Variants in ZNF138 observed in about 807,000 individuals in gnomAD.
ZNF138 encodes the protein zinc finger protein 138, also known as zinc finger protein 138 (clone pHZ-32).
In ZNF138, 33 loss-of-function variants were observed where a neutral mutation model predicts 33.0. The observed-to-expected ratio is 1.00, with a 90% CI of 0.76 to 1.34. ZNF138 has a LOEUF of 1.34. Ranked by LOEUF, ZNF138 falls within the 40% of genes most tolerant of loss-of-function variation. ZNF138 has a pLI of 0.00. For missense variants in ZNF138, 360 were observed against 370.8 expected, an observed-to-expected ratio of 0.97 and a Z score of 0.24; for synonymous variants, 139 against 120.4, an observed-to-expected ratio of 1.15 and a Z score of -1.01.
chr7:64,817,618 C>G (rs1421677170), intron 3 of ZNF138, among the ~76,000 whole-genome samples: 3 of 152,160 alleles, frequency 2.0e-5, no homozygotes, highest in Admixed American at 1.3e-4. Context: ...GCTGTCATTA[C>G]AGGTGTGAGC....
chr7:64,819,556 A>G (rs13228381), intron 3 of ZNF138, among the ~76,000 whole-genome samples: 1 of 151,772 alleles, frequency 6.6e-6, no homozygotes, highest in African/African-American at 2.4e-5. Flanking sequence ...TTTAGGAGAG[A>G]TGGGGTTTCA....
At chr7:64,852,599 AG>A in the ZNF138 span, 1 of 1,528,996 alleles carries the variant, frequency 6.5e-7, no homozygotes, top group Non-Finnish European at 9.1e-7. Flanking sequence ...TAAACAGATC[AG>A]AAGCCCGCCT....
At chr7:64,847,510 T>C in the ZNF138 span, among the ~76,000 whole-genome samples, 1 of 151,946 alleles carries the variant, frequency 6.6e-6, no homozygotes, top group Admixed American at 6.6e-5. Context: ...CTAGCAGTAA[T>C]TGTTTTATAA....
At chr7:64,815,802 A>G (rs1204856720) in intron 3 of ZNF138, 149 bp downstream of exon 3, 3 of 661,776 alleles carry the variant, frequency 4.5e-6, no homozygotes, top group Non-Finnish European at 7.5e-6. Flanking sequence ...TACATAAGAC[A>G]TCTTCTGTCT....
the ZNF138 span, among the ~76,000 whole-genome samples, chr7:64,847,839 G>A: frequency 6.6e-6 from 1 of 152,098 alleles, no homozygotes; most frequent in Non-Finnish European, 1.5e-5. Context: ...GAGCATTCAG[G>A]CCATTTACTT....
chr7:64,854,546 A>G, the ZNF138 span, among the ~76,000 whole-genome samples: 1 of 152,226 alleles, frequency 6.6e-6, no homozygotes, highest in Non-Finnish European at 1.5e-5. Flanking sequence ...TAGTCATAAT[A>G]TAAATATTGC....
intron 1 of ZNF138, among the ~76,000 whole-genome samples, chr7:64,810,563 T>TTGGTTTTATAACATA (rs1554365391): frequency 3.8e-5 from 3 of 79,364 alleles, no homozygotes; most frequent in African/African-American, 9.5e-5. Flanking sequence ...TTTGTTTAAA[T>TTGGTTTTATAACATA]TGCTTATTAG....
chr7:64,811,493 C>A (rs1788176638), intron 1 of ZNF138, among the ~76,000 whole-genome samples: 1 of 152,002 alleles, frequency 6.6e-6, no homozygotes, highest in African/African-American at 2.4e-5. Flanking sequence ...TTACAGGCAC[C>A]CGCCACCATG....
At chr7:64,836,133 G>C (rs1376019419), downstream of ZNF138, 2 of 152,190 alleles carry the variant, frequency 1.3e-5, no homozygotes, top group Non-Finnish European at 2.9e-5. Context: ...TAGAGTAACA[G>C]AACGGGAACT....
chr7:64,814,894 T>C, intron 1 of ZNF138, 24 bp from the exon 2 acceptor site: 1 of 1,609,868 alleles, frequency 6.2e-7, no homozygotes, highest in Non-Finnish European at 8.5e-7. Flanking sequence ...TGTGTGTGTG[T>C]GTTTGTGTGT....
At chr7:64,801,061 A>C (rs150030544) in intron 1 of ZNF138, among the ~76,000 whole-genome samples, 1 of 152,064 alleles carries the variant, frequency 6.6e-6, no homozygotes, top group East Asian at 1.9e-4. Flanking sequence ...ATTTATTTGA[A>C]TCTTCATTAA....
chr7:64,806,690 A>G (rs1787626940), intron 1 of ZNF138, among the ~76,000 whole-genome samples: 1 of 152,220 alleles, frequency 6.6e-6, no homozygotes, highest in Non-Finnish European at 1.5e-5. Flanking sequence ...CTGTGTATTT[A>G]TTTCTTGAAA....
chr7:64,818,118 G>C (rs894213051), intron 3 of ZNF138, among the ~76,000 whole-genome samples: 10 of 148,716 alleles, frequency 6.7e-5, no homozygotes, highest in Non-Finnish European at 1.2e-4. Context: ...CAAGTAGCTG[G>C]GATAACAGGC....
chr7:64,803,826 A>T (rs1013955784), intron 1 of ZNF138, among the ~76,000 whole-genome samples: 1 of 152,214 alleles, frequency 6.6e-6, no homozygotes, highest in Non-Finnish European at 1.5e-5. Flanking sequence ...TTACTATCAA[A>T]TTATTACAGT....
chr7:64,805,473 A>G (rs1192127745), intron 1 of ZNF138, among the ~76,000 whole-genome samples: 1 of 151,558 alleles, frequency 6.6e-6, no homozygotes, highest in Non-Finnish European at 1.5e-5. Flanking sequence ...GTGCAATTCT[A>G]CCTAGGAGTC....
chr7:64,854,637 TG>T, the ZNF138 span, among the ~76,000 whole-genome samples: 5 of 152,208 alleles, frequency 3.3e-5, no homozygotes, highest in Non-Finnish European at 7.3e-5. Flanking sequence ...ACATTTGAAA[TG>T]GGATAAAACT....
chr7:64,838,966 G>C, the ZNF138 span, among the ~76,000 whole-genome samples: 193 of 152,186 alleles, frequency 1.3e-3, no homozygotes, highest in Admixed American at 2.4e-3. Context: ...ACTAAGATGG[G>C]GGCCGTGGAC....
chr7:64,801,080 G>A (rs902739977), intron 1 of ZNF138, among the ~76,000 whole-genome samples: 1 of 151,992 alleles, frequency 6.6e-6, no homozygotes, highest in South Asian at 2.1e-4. Flanking sequence ...AATCTTGCTA[G>A]TGGGTTATTT....
intron 1 of ZNF138, among the ~76,000 whole-genome samples, chr7:64,798,778 CAAAA>C (rs75929259): frequency 4.3e-5 from 5 of 116,112 alleles, no homozygotes; most frequent in African/African-American, 9.8e-5. Context: ...AACTCCGACT[CAAAA>C]AAAAAAAAAA....
Sources: allele counts gnomAD v4.1 joint callset (sites outside exome capture counted in the v4.1 genomes callset), GRCh38; gene constraint gnomAD v4.1.1; transcripts MANE v1.5; gene names NCBI Gene and HGNC (gene_info 2026-07-23, HGNC 2026-07-21).